The following TBC1D22A variants were observed in gnomAD, a reference collection of about 807,000 sequenced individuals.
TBC1D22A encodes putative GTPase activator.
Under a neutral mutation model 60.2 loss-of-function variants are expected in TBC1D22A, and 38 were observed. The ratio of observed to expected loss-of-function variants is 0.63; its 90% CI spans 0.49 to 0.83. The LOEUF (loss-of-function observed/expected upper bound fraction) is 0.83, where lower values mean the gene tolerates loss of function less well. TBC1D22A is among the 40% of genes least tolerant of loss of function. The pLI, the probability that TBC1D22A is intolerant of heterozygous loss-of-function variation, is 0.00. For synonymous variants in TBC1D22A, 302 were observed against 281.7 expected (o/e 1.07, Z -0.72); for missense variants, 628 against 701.0 (o/e 0.90, Z 1.18).
chr22:46,784,444 T>A (rs1039834050), intron 1 of TBC1D22A, among the ~76,000 whole-genome samples: 2 of 152,230 alleles, frequency 1.3e-5, no homozygotes, highest in Non-Finnish European at 2.9e-5. Flanking sequence ...TTAAAATATC[T>A]TTAGTTGTAG....
At chr22:47,078,217 G>A (rs1237333809) in intron 11 of TBC1D22A, among the ~76,000 whole-genome samples, 1 of 151,934 alleles carries the variant, frequency 6.6e-6, no homozygotes, top group Non-Finnish European at 1.5e-5. Flanking sequence ...GCCGTGGAGA[G>A]AAACAGGGAG....
At chr22:46,862,950 A>G (rs1395428928) in intron 4 of TBC1D22A, among the ~76,000 whole-genome samples, 1 of 152,208 alleles carries the variant, frequency 6.6e-6, no homozygotes, top group Non-Finnish European at 1.5e-5. Flanking sequence ...TTTTGCCTGT[A>G]GGTAGAGTGT....
At position 46,793,643 on chromosome 22, in the gene TBC1D22A, A is replaced by T. The variant is rs1203967471; in HGVS notation, c.262A>T (p.Ser88Cys). 1 of 1,613,542 alleles carries T rather than the reference A, an allele frequency of 6.2e-7. No individual in the cohort carries two copies. Among genetic ancestry groups the T allele is most frequent in the African/African-American group, 1.3e-5 (1 of 74,924 alleles). The change falls in exon 3 of 13, where the codon AGC becomes TGC. Residue 88 changes from serine to cysteine, a missense_variant. Transcript: ENST00000337137. Reference sequence around the variant, plus strand: ...TGAGCTCCTGGCCATGGCGGCGGAGAGCCTGAACTCCGAGGTGGTCATGGA... The same window carrying T: ...TGAGCTCCTGGCCATGGCGGCGGAGTGCCTGAACTCCGAGGTGGTCATGGA... ...DDELLAMAAE[S>C]LNSEVVMETA...
intron 8 of TBC1D22A, among the ~76,000 whole-genome samples, chr22:46,973,564 TA>T (rs202070355): frequency 6.6e-6 from 1 of 151,772 alleles, no homozygotes; most frequent in African/African-American, 2.4e-5. Context: ...AAAACTAAAG[TA>T]AAAAAAAATT....
At chr22:47,060,556 G>A (rs574873935) in intron 11 of TBC1D22A, among the ~76,000 whole-genome samples, 4 of 152,170 alleles carry the variant, frequency 2.6e-5, no homozygotes, top group East Asian at 1.9e-4. Context: ...TCAGCCTCCC[G>A]AGTAGCTGGG....
At chr22:46,968,941 C>G (rs1481425223) in intron 8 of TBC1D22A, among the ~76,000 whole-genome samples, 2 of 152,208 alleles carry the variant, frequency 1.3e-5, no homozygotes, top group Non-Finnish European at 2.9e-5. Context: ...ATCCATCTGT[C>G]CACTCGTCCA....
At chr22:47,132,637 C>T (rs1393408882) in intron 12 of TBC1D22A, among the ~76,000 whole-genome samples, 2 of 152,210 alleles carry the variant, frequency 1.3e-5, no homozygotes, top group Non-Finnish European at 2.9e-5. Context: ...CTTCCTCTTC[C>T]CTGGCCGTGT....
At chr22:46,978,924 A>G (rs2074408540) in intron 9 of TBC1D22A, among the ~76,000 whole-genome samples, 1 of 152,184 alleles carries the variant, frequency 6.6e-6, no homozygotes, top group Admixed American at 6.5e-5. Flanking sequence ...GTGTTTTAAT[A>G]GCCTTTTCAG....
chr22:46,856,172 C>T (rs1423065391), intron 4 of TBC1D22A, among the ~76,000 whole-genome samples: 1 of 152,182 alleles, frequency 6.6e-6, no homozygotes, highest in Non-Finnish European at 1.5e-5. Context: ...TCTTGTGATG[C>T]CAGGGCCCTA....
chr22:47,111,924 G>C (rs960936430), intron 12 of TBC1D22A, among the ~76,000 whole-genome samples: 1 of 152,204 alleles, frequency 6.6e-6, no homozygotes, highest in Non-Finnish European at 1.5e-5. Context: ...GTGACCTCTG[G>C]TCCCTGGAAC....
chr22:47,087,692 A>G (rs2064752653), intron 11 of TBC1D22A, among the ~76,000 whole-genome samples: 1 of 152,244 alleles, frequency 6.6e-6, no homozygotes, highest in Non-Finnish European at 1.5e-5. Context: ...ATAATGTTAG[A>G]GGAACCACAA....
chr22:47,095,688 G>T (rs769791120), intron 11 of TBC1D22A, among the ~76,000 whole-genome samples: 1 of 152,230 alleles, frequency 6.6e-6, no homozygotes, highest in Non-Finnish European at 1.5e-5. Flanking sequence ...ATCCCTTTGA[G>T]CTTCTCTCAA....
At chr22:47,137,343 G>A (rs1469199987) in intron 12 of TBC1D22A, among the ~76,000 whole-genome samples, 1 of 152,184 alleles carries the variant, frequency 6.6e-6, no homozygotes, top group African/African-American at 2.4e-5. Flanking sequence ...GCTGGAGGGG[G>A]TGGTGGGGTC....
intron 8 of TBC1D22A, among the ~76,000 whole-genome samples, chr22:46,935,307 C>G (rs982526283): frequency 1.3e-5 from 2 of 152,174 alleles, no homozygotes; most frequent in Admixed American, 1.3e-4. Flanking sequence ...GTTGAACATT[C>G]AGGACTCTAA....
At chr22:47,129,778 T>C (rs1437256395) in intron 12 of TBC1D22A, among the ~76,000 whole-genome samples, 4 of 152,216 alleles carry the variant, frequency 2.6e-5, no homozygotes, top group African/African-American at 9.6e-5. Flanking sequence ...TTTGAGAGAC[T>C]TTGACCAAAA....
chr22:46,804,065 A>T (rs577974185), intron 4 of TBC1D22A, among the ~76,000 whole-genome samples: 7 of 152,326 alleles, frequency 4.6e-5, no homozygotes, highest in Admixed American at 3.3e-4. Flanking sequence ...CTACCATCCA[A>T]TGGCAGCTCA....
intron 7 of TBC1D22A, among the ~76,000 whole-genome samples, chr22:46,895,856 C>G (rs113416222): frequency 0.011 from 1,678 of 152,244 alleles, 36 homozygotes; most frequent in African/African-American, 0.039. Flanking sequence ...TGCTCACAGG[C>G]AAGATTTCTC....
chr22:46,919,321 A>G (rs1357571401), intron 8 of TBC1D22A, among the ~76,000 whole-genome samples: 1 of 152,218 alleles, frequency 6.6e-6, no homozygotes, highest in African/African-American at 2.4e-5. Context: ...TCATCCACGC[A>G]GCGTGAATCA....
intron 4 of TBC1D22A, among the ~76,000 whole-genome samples, chr22:46,798,949 C>T (rs1219028330): frequency 5.3e-5 from 8 of 151,982 alleles, no homozygotes; most frequent in Admixed American, 1.3e-4. Context: ...GTTCTCGAGG[C>T]GGGGGAGGGC....
Sources: allele counts gnomAD v4.1 joint callset (sites outside exome capture counted in the v4.1 genomes callset), GRCh38; gene constraint gnomAD v4.1.1; transcripts MANE v1.5; gene names NCBI Gene and HGNC (gene_info 2026-07-23, HGNC 2026-07-21).